The following HDGFL3 variants were observed in gnomAD, a reference collection of about 807,000 sequenced individuals.
HDGFL3 encodes HDGF like 3.
Under a neutral mutation model 27.6 loss-of-function variants are expected in HDGFL3, and 6 were observed. The observed-to-expected ratio is 0.22, with a 90% CI of 0.12 to 0.43. The LOEUF is 0.43. Ranked by LOEUF, HDGFL3 falls within the 20% of genes least tolerant of loss-of-function variation. The pLI is 1.00. For synonymous variants in HDGFL3, 88 were observed against 88.9 expected (o/e 0.99, Z 0.05); for missense variants, 207 against 250.1 (o/e 0.83, Z 1.16).
intron 1 of HDGFL3, among the ~76,000 whole-genome samples, chr15:83,186,486 T>C (rs898363740): frequency 1.3e-5 from 2 of 152,296 alleles, no homozygotes; most frequent in African/African-American, 4.8e-5. Flanking sequence ...CAAAAGAACA[T>C]AGATGTTCAA....
In HDGFL3 at chr15:83,112,771, C is replaced by T. The variant is rs191656608; in HGVS notation, c.*2938G>A. The T allele has an allele frequency of 3.2e-6, 5 of 1,538,560 alleles. No individual in the cohort carries two copies. The Admixed American group carries it at 5.0e-5, about 15-fold the overall frequency. ...ACCAATGTGTTTATTTTGATAGTGACCACCTCCCTGTTCTGGTCGTTGCAG... is the reference window on the plus strand; with the variant it reads ...ACCAATGTGTTTATTTTGATAGTGATCACCTCCCTGTTCTGGTCGTTGCAG... On this transcript the variant is annotated 3_prime_UTR_variant, in exon 4 of 4. Transcript: ENST00000568294.
At chr15:83,118,889 T>C (rs1324879893) in intron 3 of HDGFL3, among the ~76,000 whole-genome samples, 1 of 152,180 alleles carries the variant, frequency 6.6e-6, no homozygotes, top group Non-Finnish European at 1.5e-5. Context: ...AATCTTGTGT[T>C]CATAACATTA....
intron 1 of HDGFL3, among the ~76,000 whole-genome samples, chr15:83,168,371 G>T (rs1481531791): frequency 6.6e-6 from 1 of 152,148 alleles, no homozygotes; most frequent in East Asian, 1.9e-4. Flanking sequence ...CCAAAAGCTG[G>T]TTCTTTGAAA....
chr15:83,144,426 T>TGATG (rs1383261882), intron 5 of HDGFL3: 1 of 455,976 alleles, frequency 2.2e-6, no homozygotes, highest in Non-Finnish European at 4.4e-6. Context: ...GAAGCAAAAG[T>TGATG]GATGGGATGT....
chr15:83,182,193 T>C (rs1455556163), intron 1 of HDGFL3, among the ~76,000 whole-genome samples: 3 of 152,198 alleles, frequency 2.0e-5, no homozygotes, highest in Non-Finnish European at 4.4e-5. Context: ...GTATCTTCTG[T>C]GGATATCTTT....
rs1220921770 is a variant in HDGFL3 at position 83,137,703 on chromosome 15, C to T, written c.*1567G>A. The stretch of plus-strand genomic sequence containing the variant: ...CACCAAAAATACAAACAGCCACCTC[C>T]TCACTGTGCCCTGGAATGATAAATG... On this transcript the variant is annotated 3_prime_UTR_variant, in exon 6 of 6. Transcript: ENST00000299633. 1 of 152,098 alleles carries T rather than the reference C, an allele frequency of 6.6e-6. No homozygotes were observed. Among genetic ancestry groups the T allele is most frequent in the African/African-American group, 2.4e-5 (1 of 41,424 alleles). The allele number at this position is 152,098 out of a possible 1,614,324, so 9.4% of individuals were successfully genotyped here.
intron 5 of HDGFL3, among the ~76,000 whole-genome samples, chr15:83,145,617 G>C (rs913697887): frequency 2.6e-5 from 4 of 151,946 alleles, no homozygotes; most frequent in Non-Finnish European, 5.9e-5. Flanking sequence ...TCCCAGTTTT[G>C]AATCTCAGTG....
rs540669082 is a variant in HDGFL3 at position 83,170,794 on chromosome 15, A to T, written c.85-6719T>A. Among the ~76,000 whole-genome samples, 5 of 151,754 alleles carry T rather than the reference A, an allele frequency of 3.3e-5. No homozygotes were observed. In the East Asian group the frequency reaches 9.7e-4, roughly 30 times the overall value. ...AGAGCAAACTGACAACCTACATTGA[A>T]TGGGAGAATATATCTGCAAACTATG... On this transcript the variant is annotated intron_variant, in intron 1 of 5. Transcript: ENST00000299633.
At chr15:83,198,997 C>T (rs2037604667) in intron 1 of HDGFL3, among the ~76,000 whole-genome samples, 1 of 152,184 alleles carries the variant, frequency 6.6e-6, no homozygotes, top group Admixed American at 6.5e-5. Context: ...ATTTATTTCT[C>T]ACTGTAGGTT....
intron 1 of HDGFL3, among the ~76,000 whole-genome samples, chr15:83,176,509 C>T (rs1421851788): frequency 6.6e-6 from 1 of 152,170 alleles, no homozygotes; most frequent in East Asian, 1.9e-4. Context: ...TGCAAATCTG[C>T]AGCCCCATGG....
chr15:83,143,020 T>C (rs765554724), intron 5 of HDGFL3, among the ~76,000 whole-genome samples: 7 of 152,052 alleles, frequency 4.6e-5, no homozygotes, highest in Non-Finnish European at 1.0e-4. Flanking sequence ...GGGCCCTTAA[T>C]AACTTTTTTT....
chr15:83,206,794 G>A (rs992003503), intron 1 of HDGFL3, among the ~76,000 whole-genome samples: 3 of 152,176 alleles, frequency 2.0e-5, no homozygotes, highest in Non-Finnish European at 4.4e-5. Flanking sequence ...TCGCGCTCAG[G>A]GAAAACTCAA....
At position 83,207,382 on chromosome 15, in the gene HDGFL3, C is replaced by T. The variant is rs1254001119; in HGVS notation, c.33G>A (p.Ala11=). The change falls in exon 1 of 6, where the codon GCG becomes GCA. Residue 11 remains alanine (A), a synonymous_variant. Transcript: ENST00000299633. The surrounding 1 kb of genome is among the most constrained non-coding windows in gnomAD (Gnocchi z 4.8). The part of the protein sequence containing the change: MARPRPREYK[A]GDLVFAKMKG... ...TCATCTTGGCGAAGACCAGGTCGCC[C>T]GCTTTGTACTCGCGGGGCCGCGGAC... The T allele has an allele frequency of 1.4e-6, 2 of 1,392,212 alleles. No individual in the cohort carries two copies. Among genetic ancestry groups the T allele is most frequent in the Non-Finnish European group, 1.9e-6 (2 of 1,066,054 alleles). The allele number at this position is 1,392,212 out of a possible 1,614,324, so 86.2% of individuals were successfully genotyped here.
chr15:83,141,154 C>T (rs2036762447), intron 5 of HDGFL3, among the ~76,000 whole-genome samples: 1 of 152,204 alleles, frequency 6.6e-6, no homozygotes, highest in Non-Finnish European at 1.5e-5. Flanking sequence ...GGACATGGTA[C>T]TCTGACTGTC....
chr15:83,152,892 T>C (rs1039423329), intron 4 of HDGFL3, among the ~76,000 whole-genome samples: 4 of 151,670 alleles, frequency 2.6e-5, no homozygotes, highest in Non-Finnish European at 4.4e-5. Flanking sequence ...AGAATGACAA[T>C]AGTAAAAGTG....
chr15:83,198,615 G>C (rs1319200953), intron 1 of HDGFL3, among the ~76,000 whole-genome samples: 1 of 152,180 alleles, frequency 6.6e-6, no homozygotes, highest in Admixed American at 6.5e-5. Flanking sequence ...AGGCTGGAAA[G>C]TATAAGCATG....
At chr15:83,186,320 C>G (rs1042501887) in intron 1 of HDGFL3, among the ~76,000 whole-genome samples, 22 of 152,202 alleles carry the variant, frequency 1.4e-4, no homozygotes, top group Non-Finnish European at 2.9e-4. Flanking sequence ...AGATACCAGA[C>G]AAGTGTGTTC....
intron 1 of HDGFL3, among the ~76,000 whole-genome samples, chr15:83,190,195 T>C (rs1212580640): frequency 7.5e-6 from 1 of 133,800 alleles, no homozygotes; most frequent in Non-Finnish European, 1.5e-5. Flanking sequence ...GCAACAGAGC[T>C]GAACTCTGTC....
chr15:83,176,428 G>T (rs1405014695), intron 1 of HDGFL3, among the ~76,000 whole-genome samples: 2 of 152,146 alleles, frequency 1.3e-5, no homozygotes, highest in African/African-American at 4.8e-5. Flanking sequence ...TTTGTTGTTT[G>T]CTTGCTTTGC....
Sources: allele counts gnomAD v4.1 joint callset (sites outside exome capture counted in the v4.1 genomes callset), GRCh38; gene constraint gnomAD v4.1.1; non-coding constraint Gnocchi (gnomAD v3.1); transcripts MANE v1.5; gene names NCBI Gene and HGNC (gene_info 2026-07-23, HGNC 2026-07-21).